ACOT13: variants seen among roughly 807,000 people sequenced by gnomAD.
ACOT13 encodes the protein acyl-CoA thioesterase 13.
A neutral mutation model predicts 11.8 loss-of-function variants in ACOT13; 10 were observed. The ratio of observed to expected loss-of-function variants is 0.85; its 90% CI spans 0.53 to 1.44. ACOT13 has a LOEUF of 1.44. Ranked by LOEUF, ACOT13 falls within the 40% of genes most tolerant of loss-of-function variation. The probability of loss-of-function intolerance (pLI) is 0.00; values close to 1 mark genes in which losing one functional copy is unlikely to be tolerated. For missense variants in ACOT13, 172 were observed against 174.1 expected (o/e 0.99, Z 0.07); for synonymous variants, 53 against 61.0 (o/e 0.87, Z 0.61).
chr6:24,678,659 G>A (rs940014850), intron 1 of ACOT13, among the ~76,000 whole-genome samples: 1 of 152,196 alleles, frequency 6.6e-6, no homozygotes, highest in Non-Finnish European at 1.5e-5. Context: ...CTTCTCCTAT[G>A]TTCAGATATA....
intron 1 of ACOT13, among the ~76,000 whole-genome samples, chr6:24,668,518 G>A (rs1334104933): frequency 2.0e-5 from 3 of 152,186 alleles, no homozygotes; most frequent in African/African-American, 4.8e-5. Context: ...ACCATGCCCC[G>A]CCAAAAGCAG....
Position 24,701,558 on chromosome 6 carries a change from C to G in ACOT13, c.366C>G (p.Asn122Lys). Residue 122 changes from asparagine (N) to lysine (K), a missense_variant, in exon 3 of 3, where the codon AAC (asparagine) becomes AAG (lysine). Asn to Lys is a moderately conservative substitution (Grantham distance 94, BLOSUM62 0). Transcript: ENST00000230048. ...TLAFTSVDLT[N>K]KATGKLIAQG... Reference sequence around the variant, plus strand: ...CATTTACCTCTGTGGATCTGACCAACAAGGCCACAGGAAAATTAATAGCAC... The same window carrying G: ...CATTTACCTCTGTGGATCTGACCAAGAAGGCCACAGGAAAATTAATAGCAC... 1 of 1,613,776 alleles carries G rather than the reference C, an allele frequency of 6.2e-7. No homozygotes were observed. The highest frequency in any genetic ancestry group is 8.5e-7 in the Non-Finnish European group (1 of 1,179,798).
intron 1 of ACOT13, among the ~76,000 whole-genome samples, chr6:24,673,632 A>G (rs535957027): frequency 2.4e-4 from 37 of 152,316 alleles, no homozygotes; most frequent in African/African-American, 8.2e-4. Flanking sequence ...AAGTGCTGGG[A>G]TTACAGGCAG....
rs980550759 is a variant in ACOT13 at position 24,680,683 on chromosome 6, C to T, written c.81+13339C>T. 2.6e-5 allele frequency among the ~76,000 whole-genome samples: 4 copies of T among 152,160 alleles called. No homozygotes were observed. In the South Asian group the frequency reaches 6.2e-4, roughly 24 times the overall value. ...CAGCGTGCCCGACATTGCTTTTGCG[C>T]TCAGGGGTGAGTCCTAGAGCTGGGC... is the stretch of plus-strand genomic sequence containing the variant. On this transcript the variant is annotated intron_variant, in intron 1 of 2. Transcript: ENST00000230048.
chr6:24,697,970 G>A lies in ACOT13; in HGVS notation c.169G>A (p.Gly57Ser), dbSNP rs148153546. ...EHTNAIGTLHGGLTATLVDNI... is the reference protein window; with the variant it reads ...EHTNAIGTLHSGLTATLVDNI... ...TACCAATGCAATAGGCACTCTCCAC[G>A]GCGGTTTGACAGCCACGTTAGTAGA... is the stretch of plus-strand genomic sequence containing the variant. Residue 57 changes from glycine to serine, a missense_variant, in exon 2 of 3, where the codon GGC becomes AGC. Transcript: ENST00000230048. 5.6e-6 allele frequency: 9 copies of A among 1,613,776 alleles called. No homozygotes were observed. The highest frequency in any genetic ancestry group is 1.3e-5 in the African/African-American group (1 of 74,894).
chr6:24,682,168 G>A (rs540298857), intron 1 of ACOT13, among the ~76,000 whole-genome samples: 60 of 152,348 alleles, frequency 3.9e-4, no homozygotes, highest in East Asian at 5.8e-4. Flanking sequence ...CACGCTAATC[G>A]TTTTTAACTG....
At position 24,703,867 on chromosome 6, in the gene ACOT13, A is replaced by G. The variant is rs1373167726; in HGVS notation, c.*2252A>G. On this transcript the variant is annotated 3_prime_UTR_variant, in exon 3 of 3. Coordinates refer to ENST00000230048, the MANE Select transcript of ACOT13 (RefSeq NM_018473.4). ...AGTATACTTGAGAAGGGCGTTAAGCATGAATAAACAATTCAAATGCAAAAT... is the reference window on the plus strand; with the variant it reads ...AGTATACTTGAGAAGGGCGTTAAGCGTGAATAAACAATTCAAATGCAAAAT... 1.3e-5 allele frequency: 2 copies of G among 152,268 alleles called. No individual in the cohort carries two copies. The highest frequency in any genetic ancestry group is 2.4e-5 in the African/African-American group (1 of 41,466). 9.4% of individuals were successfully genotyped at this position (152,268 alleles called of 1,614,324 possible). A position where few individuals can be genotyped will look rare whatever the true frequency, so the allele number is the denominator to read the frequency against.
intron 1 of ACOT13, among the ~76,000 whole-genome samples, chr6:24,668,416 T>C (rs1778301285): frequency 6.6e-6 from 1 of 151,962 alleles, no homozygotes; most frequent in Non-Finnish European, 1.5e-5. Context: ...AGACAGGGTT[T>C]CATCATGTTG....
At chr6:24,688,842 G>A (rs778084571) in intron 1 of ACOT13, among the ~76,000 whole-genome samples, 44 of 152,156 alleles carry the variant, frequency 2.9e-4, no homozygotes, top group Non-Finnish European at 5.3e-4. Flanking sequence ...AAAATACAAC[G>A]GTCTGGAATT....
At chr6:24,676,866 T>C (rs1778463066) in intron 1 of ACOT13, among the ~76,000 whole-genome samples, 1 of 152,226 alleles carries the variant, frequency 6.6e-6, no homozygotes, top group Non-Finnish European at 1.5e-5. Flanking sequence ...AATGGCTTCC[T>C]GATGTTTGAT....
intron 1 of ACOT13, among the ~76,000 whole-genome samples, chr6:24,678,023 C>T (rs577541029): frequency 3.3e-5 from 5 of 152,254 alleles, no homozygotes; most frequent in Admixed American, 1.3e-4. Context: ...GGTTTCTGAT[C>T]GGGTGGCTAA....
chr6:24,691,453 A>G (rs1402066248), intron 1 of ACOT13, among the ~76,000 whole-genome samples: 1 of 152,190 alleles, frequency 6.6e-6, no homozygotes, highest in Non-Finnish European at 1.5e-5. Flanking sequence ...GAGAATATAT[A>G]GTATGTTAGA....
chr6:24,677,679 A>G (rs1366328879), intron 1 of ACOT13, among the ~76,000 whole-genome samples: 2 of 152,214 alleles, frequency 1.3e-5, no homozygotes, highest in African/African-American at 4.8e-5. Flanking sequence ...CTGAAAAGCC[A>G]CTTCTGCTTC....
chr6:24,686,569 ATTCTT>A (rs1203065152), intron 1 of ACOT13, among the ~76,000 whole-genome samples: 2 of 150,984 alleles, frequency 1.3e-5, no homozygotes, highest in Non-Finnish European at 3.0e-5. Flanking sequence ...ATTTTATTCT[ATTCTT>A]TTTTCTTTTC....
intron 1 of ACOT13, among the ~76,000 whole-genome samples, chr6:24,673,625 T>C (rs1017801730): frequency 1.3e-5 from 2 of 152,158 alleles, no homozygotes; most frequent in African/African-American, 4.8e-5. Context: ...CCTCCCAAAG[T>C]GCTGGGATTA....
intron 1 of ACOT13, among the ~76,000 whole-genome samples, chr6:24,682,012 G>A (rs1778559845): frequency 6.6e-6 from 1 of 152,184 alleles, no homozygotes; most frequent in African/African-American, 2.4e-5. Flanking sequence ...ACAGCTTTCT[G>A]CCTCTAGTCA....
At chr6:24,687,858 C>T (rs1346360654) in intron 1 of ACOT13, among the ~76,000 whole-genome samples, 2 of 151,666 alleles carry the variant, frequency 1.3e-5, no homozygotes, top group African/African-American at 2.4e-5. Flanking sequence ...ATTACAGGCA[C>T]GCGCCACCAT....
intron 1 of ACOT13, among the ~76,000 whole-genome samples, chr6:24,685,308 C>T (rs1778611228): frequency 6.8e-6 from 1 of 146,500 alleles, no homozygotes; most frequent in Non-Finnish European, 1.5e-5. Flanking sequence ...TAGTTGTAGA[C>T]ATGGTCTCTT....
At chr6:24,679,433 G>T (rs1052857344) in intron 1 of ACOT13, among the ~76,000 whole-genome samples, 1 of 152,176 alleles carries the variant, frequency 6.6e-6, no homozygotes, top group Non-Finnish European at 1.5e-5. Flanking sequence ...TGACAGAGAG[G>T]TATGCTTCCT....
Sources: gnomAD v4.1 joint callset for allele counts (sites outside exome capture counted in the v4.1 genomes callset) on GRCh38, gnomAD v4.1.1 for gene constraint, MANE v1.5 for transcripts, NCBI Gene and HGNC (gene_info 2026-07-23, HGNC 2026-07-21) for gene names.